Variants in TBC1D1 observed in about 807,000 individuals in gnomAD.
TBC1D1 encodes the protein TBC1 domain family member 1, also known as TBC1 (tre-2/USP6, BUB2, cdc16) domain family, member 1.
A neutral mutation model predicts 125.6 loss-of-function variants in TBC1D1; 89 were observed. The ratio of observed to expected loss-of-function variants is 0.71; its 90% CI spans 0.60 to 0.85. TBC1D1 has a LOEUF of 0.85. Among genes scored for constraint, TBC1D1 ranks in the 40% least tolerant of loss-of-function variants. The pLI is 0.00. For synonymous variants in TBC1D1, 565 were observed against 564.1 expected (o/e 1.00, Z -0.02); for missense variants, 1,377 against 1,469.2 (o/e 0.94, Z 1.03).
Position 38,052,700 on chromosome 4 carries a change from A to G in TBC1D1, c.1911-1499A>G, listed in dbSNP as rs142466700. ...CTAGTGGACACTTACATGCATGCGT[A>G]TATACACACACACGCGCGCGCGCGC... On this transcript the variant is annotated intron_variant, in intron 11 of 19. Transcript: ENST00000261439. 7.5e-4 allele frequency among the ~76,000 whole-genome samples: 99 copies of G among 132,466 alleles called. 2 individuals are homozygous for G. The East Asian group carries it at 0.017, about 23-fold the overall frequency. 86.9% of individuals were successfully genotyped at this position (132,466 alleles called of 152,430 possible). A position where few individuals can be genotyped will look rare whatever the true frequency, so the allele number is the denominator to read the frequency against.
At position 38,049,842 on chromosome 4, in the gene TBC1D1, G is replaced by A. The variant is rs144237469; in HGVS notation, c.1854G>A (p.Ser618=). The A allele has an allele frequency of 3.4e-5, 55 of 1,614,072 alleles. No individual in the cohort carries two copies. In the African/African-American group the frequency reaches 5.7e-4, roughly 17 times the overall value. ...CTGCCCGGGGGTCCCCGGGGGTTTC[G>A]CAAAGGAAACTTATGAGGTATCACT... Residue 618 remains serine (S), a synonymous_variant, in exon 11 of 20, where the codon TCG becomes TCA. Transcript: ENST00000261439.
At chr4:38,031,573 A>G (rs567627829) in intron 7 of TBC1D1, among the ~76,000 whole-genome samples, 41 of 152,304 alleles carry the variant, frequency 2.7e-4, no homozygotes, top group African/African-American at 9.6e-4. Context: ...GGCTTTCTCA[A>G]CATTCTGGGA....
At chr4:38,054,378 G>T (rs1464878047) in intron 12 of TBC1D1, 40 bp downstream of exon 14, 1 of 1,610,778 alleles carries the variant, frequency 6.2e-7, no homozygotes, top group South Asian at 1.1e-5. Flanking sequence ...AAGAGAGCAC[G>T]CTGACAGAGG....
chr4:38,063,492 T>G (rs946559601), intron 12 of TBC1D1, among the ~76,000 whole-genome samples: 1 of 152,270 alleles, frequency 6.6e-6, no homozygotes, highest in African/African-American at 2.4e-5. Flanking sequence ...TAGATTTGTT[T>G]TGTTTAAAAA....
At chr4:38,085,902 A>C (rs962777922) in intron 12 of TBC1D1, among the ~76,000 whole-genome samples, 2 of 152,028 alleles carry the variant, frequency 1.3e-5, no homozygotes, top group Non-Finnish European at 2.9e-5. Flanking sequence ...TTGACCTGCC[A>C]CTCCACTCGA....
At chr4:38,026,570 G>C (rs747526952) in intron 6 of TBC1D1, among the ~76,000 whole-genome samples, 8 of 152,262 alleles carry the variant, frequency 5.3e-5, no homozygotes, top group Non-Finnish European at 1.0e-4. Context: ...GGGCCACCCT[G>C]GTAGGATGAG....
chr4:38,115,681 AT>A, intron 15 of TBC1D1, 28 bp from the exon 18 acceptor site: 1 of 1,575,690 alleles, frequency 6.3e-7, no homozygotes, highest in Non-Finnish European at 8.6e-7. Flanking sequence ...TGTTTTTATT[AT>A]TACAACTAAT....
intron 2 of TBC1D1, among the ~76,000 whole-genome samples, chr4:37,942,761 C>T (rs557856684): frequency 2.5e-4 from 38 of 152,244 alleles, no homozygotes; most frequent in African/African-American, 8.2e-4. Flanking sequence ...AGGATGGTCT[C>T]GATCTGCTGA....
At chr4:38,039,226 T>G (rs1243572498) in intron 8 of TBC1D1, among the ~76,000 whole-genome samples, 1 of 143,106 alleles carries the variant, frequency 7.0e-6, no homozygotes, top group East Asian at 2.5e-4. Context: ...CACGCCATTC[T>G]CCTGCCTCAG....
intron 2 of TBC1D1, among the ~76,000 whole-genome samples, chr4:37,989,789 T>C (rs770722385): frequency 1.3e-5 from 2 of 152,208 alleles, no homozygotes; most frequent in Non-Finnish European, 2.9e-5. Flanking sequence ...AGGTCACAAC[T>C]CTGTGGGGTT....
At chr4:38,067,164 G>A (rs887235843) in intron 12 of TBC1D1, among the ~76,000 whole-genome samples, 2 of 152,140 alleles carry the variant, frequency 1.3e-5, no homozygotes, top group Admixed American at 6.5e-5. Flanking sequence ...TGTGAGCCAC[G>A]CTCCCGGCCA....
At chr4:38,119,378 T>C (rs974806236) in intron 17 of TBC1D1, among the ~76,000 whole-genome samples, 3 of 152,144 alleles carry the variant, frequency 2.0e-5, no homozygotes, top group Admixed American at 2.0e-4. Flanking sequence ...AGTTTCCCAT[T>C]TTGCTTTACT....
intron 12 of TBC1D1, among the ~76,000 whole-genome samples, chr4:38,073,435 A>T (rs182463338): frequency 6.6e-6 from 1 of 152,182 alleles, no homozygotes; most frequent in African/African-American, 2.4e-5. Context: ...GCGTGAGGTA[A>T]TATCTCATTG....
chr4:38,089,169 C>T (rs1010361081), intron 12 of TBC1D1, among the ~76,000 whole-genome samples: 1 of 152,134 alleles, frequency 6.6e-6, no homozygotes, highest in Non-Finnish European at 1.5e-5. Context: ...TGCCGGTGTA[C>T]CTCCTTACTC....
chr4:38,019,191 A>G (rs1348386877), intron 4 of TBC1D1, among the ~76,000 whole-genome samples: 12 of 151,686 alleles, frequency 7.9e-5, no homozygotes, highest in Non-Finnish European at 1.3e-4. Context: ...TAAACTCTGG[A>G]TTTTTCATTT....
intron 14 of TBC1D1, among the ~76,000 whole-genome samples, chr4:38,100,780 G>A (rs1365386892): frequency 6.6e-6 from 1 of 152,152 alleles, no homozygotes. Context: ...CCAAGAGGTG[G>A]CCCAGTGAGA....
chr4:38,129,369 A>G (rs1484759547), intron 18 of TBC1D1, among the ~76,000 whole-genome samples: 1 of 152,214 alleles, frequency 6.6e-6, no homozygotes, highest in Admixed American at 6.5e-5. Flanking sequence ...AACTGGTGCC[A>G]TACCAGGAGG....
At chr4:38,134,417 A>T (rs1029671884) in intron 19 of TBC1D1, among the ~76,000 whole-genome samples, 4 of 152,124 alleles carry the variant, frequency 2.6e-5, no homozygotes, top group Non-Finnish European at 5.9e-5. Flanking sequence ...TTCCCCTGAG[A>T]TGTCCTAACT....
At chr4:38,098,409 C>T (rs1297845898) in intron 14 of TBC1D1, among the ~76,000 whole-genome samples, 2 of 152,202 alleles carry the variant, frequency 1.3e-5, no homozygotes, top group Non-Finnish European at 2.9e-5. Flanking sequence ...ATTTGAGCTT[C>T]TTAGAAGCCT....
Sources: allele counts gnomAD v4.1 joint callset (sites outside exome capture counted in the v4.1 genomes callset), GRCh38; gene constraint gnomAD v4.1.1; transcripts MANE v1.5; gene names NCBI Gene and HGNC (gene_info 2026-07-23, HGNC 2026-07-21).